The following MMD2 variants were observed in gnomAD, a reference collection of about 807,000 sequenced individuals.
MMD2 encodes monocyte to macrophage differentiation associated 2, also known as monocyte to macrophage differentiation factor 2.
In MMD2, 30 loss-of-function variants were observed where a neutral mutation model predicts 33.5. That is an observed-to-expected ratio of 0.90 (90% CI 0.67 to 1.22). The LOEUF is 1.22. MMD2 is among the 50% of genes most tolerant of loss of function. MMD2 has a pLI of 0.00. For missense variants in MMD2, 364 were observed against 325.4 expected (o/e 1.12, Z -0.91); for synonymous variants, 129 against 123.0 (o/e 1.05, Z -0.32).
intron 1 of MMD2, among the ~76,000 whole-genome samples, chr7:4,943,622 A>G (rs10226429): frequency 0.022 from 3,423 of 152,240 alleles, 143 homozygotes; most frequent in African/African-American, 0.078. Flanking sequence ...TATGGAGACC[A>G]GTAGCCAGCA....
intron 2 of MMD2, among the ~76,000 whole-genome samples, chr7:4,923,478 T>C (rs1475367903): frequency 1.3e-5 from 2 of 152,184 alleles, no homozygotes; most frequent in African/African-American, 4.8e-5. Flanking sequence ...TGTGCCAACA[T>C]GGTGCCTTCA....
intron 1 of MMD2, among the ~76,000 whole-genome samples, chr7:4,929,585 C>T (rs1465410973): frequency 5.3e-5 from 8 of 151,904 alleles, no homozygotes; most frequent in African/African-American, 1.2e-4. Context: ...AGTGCAATGG[C>T]GCTGTCTTGG....
rs774532008 is a variant in MMD2 at position 4,920,211 on chromosome 7, T to C, written c.250A>G (p.Thr84Ala). The change falls in exon 3 of 7, where the codon ACT (threonine) becomes GCT (alanine). Residue 84 changes from threonine to alanine, a missense_variant. By Grantham distance (58) the Thr-to-Ala change is moderately conservative (BLOSUM62 0). Coordinates refer to ENST00000401401, the MANE Select transcript of MMD2 (RefSeq NM_198403.4). ...TTCCAGGAGATGGTGTGAAACACAG[T>C]GGACACCACGAAGAGGCCGCAGAGG... ...LGLCGLFVVSTVFHTISWKKS... is the reference protein window; with the variant it reads ...LGLCGLFVVSAVFHTISWKKS... 44 of 1,575,062 alleles carry C rather than the reference T, an allele frequency of 2.8e-5. No homozygotes were observed. The South Asian group carries it at 2.9e-4, about 10-fold the overall frequency.
In MMD2 at chr7:4,909,864, G is replaced by A. The variant is rs768717922; in HGVS notation, c.537+17C>T. 4 of 1,605,274 alleles carry A rather than the reference G, an allele frequency of 2.5e-6. No homozygotes were observed. The highest frequency in any genetic ancestry group is 2.2e-5 in the East Asian group (1 of 44,452). On this transcript the variant is annotated intron_variant, in intron 6 of 6. Coordinates refer to ENST00000401401, the MANE Select transcript of MMD2 (RefSeq NM_198403.4). Reference sequence around the variant, plus strand: ...TCTCTTGCAGGGACTCATCTATGCAGGGCTGGCAGCACTTACCATGGAGAG... The same window carrying A: ...TCTCTTGCAGGGACTCATCTATGCAAGGCTGGCAGCACTTACCATGGAGAG...
intron 1 of MMD2, among the ~76,000 whole-genome samples, chr7:4,936,703 T>G (rs900145434): frequency 6.6e-6 from 1 of 152,048 alleles, no homozygotes; most frequent in Admixed American, 6.6e-5. Flanking sequence ...TAAAAAATGC[T>G]AAAATTATAC....
chr7:4,942,633 A>C (rs1785942106), intron 1 of MMD2, among the ~76,000 whole-genome samples: 1 of 148,002 alleles, frequency 6.8e-6, no homozygotes, highest in Admixed American at 6.8e-5. Flanking sequence ...TTTTTTTGAG[A>C]CAGAGTTTTG....
intron 1 of MMD2, among the ~76,000 whole-genome samples, chr7:4,926,546 G>A (rs938518337): frequency 6.6e-6 from 1 of 151,942 alleles, no homozygotes; most frequent in Non-Finnish European, 1.5e-5. Flanking sequence ...AAAGTGCCCA[G>A]TGCCCCCTCC....
At chr7:4,925,587 A>G in intron 1 of MMD2, 55 bp from the exon 2 acceptor site, 2 of 1,399,164 alleles carry the variant, frequency 1.4e-6, no homozygotes, top group Non-Finnish European at 1.9e-6. Flanking sequence ...GTGCCATCCG[A>G]ATTCCCAGGA....
intron 1 of MMD2, among the ~76,000 whole-genome samples, chr7:4,943,424 T>A (rs1785965936): frequency 1.3e-5 from 2 of 152,036 alleles, no homozygotes; most frequent in African/African-American, 4.8e-5. Flanking sequence ...ATTACAGGCG[T>A]GCGCCACCGT....
chr7:4,912,171 T>C (rs907152093), intron 4 of MMD2, among the ~76,000 whole-genome samples: 1 of 152,016 alleles, frequency 6.6e-6, no homozygotes, highest in Admixed American at 6.6e-5. Context: ...TTTACCAACA[T>C]AGATAGATCT....
chr7:4,920,448 T>A (rs1029108905), intron 2 of MMD2, 117 bp from the exon 3 acceptor site: 3 of 940,362 alleles, frequency 3.2e-6, no homozygotes, highest in Admixed American at 4.9e-5. Context: ...TGAAATGTGG[T>A]CAGTGCCACT....
At chr7:4,944,537 C>G (rs1017068847) in intron 1 of MMD2, among the ~76,000 whole-genome samples, 1 of 152,066 alleles carries the variant, frequency 6.6e-6, no homozygotes, top group African/African-American at 2.4e-5. Flanking sequence ...ACTATTCCTG[C>G]GAAAGGACTG....
chr7:4,950,582 T>G (rs1786214881), intron 1 of MMD2, among the ~76,000 whole-genome samples: 1 of 152,202 alleles, frequency 6.6e-6, no homozygotes, highest in East Asian at 1.9e-4. Context: ...GGACCTCAGA[T>G]AAGTGGAATC....
At chr7:4,921,189 G>T (rs1785275220) in intron 2 of MMD2, among the ~76,000 whole-genome samples, 1 of 152,050 alleles carries the variant, frequency 6.6e-6, no homozygotes, top group Admixed American at 6.6e-5. Flanking sequence ...CCACCACACA[G>T]AGAAGTATGA....
downstream of MMD2, among the ~76,000 whole-genome samples, chr7:4,901,770 A>C (rs1306861082): frequency 6.6e-6 from 1 of 152,240 alleles, no homozygotes; most frequent in African/African-American, 2.4e-5. Flanking sequence ...CAAGAGGTAC[A>C]GCTGGGAAGT....
In MMD2 at chr7:4,932,149, C is replaced by A. The variant is rs372187357; in HGVS notation, c.48-6617G>T. Among the ~76,000 whole-genome samples the A allele has an allele frequency of 1.9e-3, 287 of 152,286 alleles. 1 individual carries two copies. Among genetic ancestry groups the A allele is most frequent in the African/African-American group, 6.6e-3 (276 of 41,566 alleles). ...GGTGATGTCACGGTTGCCGTGGCGA[C>A]CTGGGGCGGGCAGTTATTTATTTAT... On this transcript the variant is annotated intron_variant, in intron 1 of 6. Coordinates refer to ENST00000401401, the MANE Select transcript of MMD2 (RefSeq NM_198403.4).
At chr7:4,945,810 A>G (rs1044850563) in intron 1 of MMD2, among the ~76,000 whole-genome samples, 9 of 151,214 alleles carry the variant, frequency 6.0e-5, no homozygotes, top group Non-Finnish European at 1.3e-4. Flanking sequence ...CCTGAGCTCA[A>G]GTGATCCTCC....
At chr7:4,926,938 G>A (rs950502772) in intron 1 of MMD2, among the ~76,000 whole-genome samples, 8 of 151,666 alleles carry the variant, frequency 5.3e-5, no homozygotes, top group Non-Finnish European at 7.4e-5. Flanking sequence ...TAGAGACGGG[G>A]TTTCACTGTT....
At chr7:4,902,032 A>G (rs1583348539), downstream of MMD2, among the ~76,000 whole-genome samples, 1 of 152,036 alleles carries the variant, frequency 6.6e-6, no homozygotes, top group African/African-American at 2.4e-5. Flanking sequence ...GCTCATTGCA[A>G]CCTCTGCCTC....
Sources: allele counts gnomAD v4.1 joint callset (sites outside exome capture counted in the v4.1 genomes callset), GRCh38; gene constraint gnomAD v4.1.1; transcripts MANE v1.5; gene names NCBI Gene and HGNC (gene_info 2026-07-23, HGNC 2026-07-21).